Variants in SEC31A observed in about 807,000 individuals in gnomAD.
The protein encoded by SEC31A is SEC31 homolog A, COPII component.
Under a neutral mutation model 151.0 loss-of-function variants are expected in SEC31A, and 70 were observed. That is an observed-to-expected ratio of 0.46 (90% CI 0.38 to 0.57). The LOEUF is 0.57. SEC31A is among the 20% of genes least tolerant of loss of function. The probability of loss-of-function intolerance (pLI) is 0.00; values close to 1 mark genes in which losing one functional copy is unlikely to be tolerated. For synonymous variants in SEC31A, 475 were observed against 505.9 expected, an observed-to-expected ratio of 0.94 and a Z score of 0.82; for missense variants, 1,330 against 1,471.2, an observed-to-expected ratio of 0.90 and a Z score of 1.57.
intron 26 of SEC31A, among the ~76,000 whole-genome samples, chr4:82,819,561 G>C (rs1427054276): frequency 6.6e-6 from 1 of 152,114 alleles, no homozygotes; most frequent in African/African-American, 2.4e-5. Flanking sequence ...CCACTTAAGA[G>C]AGCTTCAGAC....
At chr4:82,892,265 T>C (rs1578430428), upstream of SEC31A, among the ~76,000 whole-genome samples, 1 of 152,250 alleles carries the variant, frequency 6.6e-6, no homozygotes, top group African/African-American at 2.4e-5. Context: ...GTCAAACTGA[T>C]TGGGATTTGT....
intron 23 of SEC31A, among the ~76,000 whole-genome samples, chr4:82,828,632 A>AAATTC (rs1725158587): frequency 7.0e-6 from 1 of 142,598 alleles, no homozygotes; most frequent in African/African-American, 2.6e-5. Context: ...TTTAATTGCC[A>AAATTC]AATTCATGAT....
At position 82,875,839 on chromosome 4, in the gene SEC31A, T is replaced by A. The variant is rs1737789969; in HGVS notation, c.403-17A>T. 2 of 1,382,284 alleles carry A rather than the reference T, an allele frequency of 1.4e-6. No individual in the cohort carries two copies. The highest frequency in any genetic ancestry group is 2.0e-6 in the Non-Finnish European group (2 of 980,902). 85.6% of individuals were successfully genotyped at this position (1,382,284 alleles called of 1,614,324 possible). ...CAGATTAGTCTGCAAGAAGAAACCA[T>A]AACTAAATAGCACTTATGAATAATT... On this transcript the variant is annotated splice_polypyrimidine_tract_variant and intron_variant, in intron 4 of 26. Transcript: ENST00000395310.
Position 82,831,030 on chromosome 4 carries a change from T to C in SEC31A, c.2969-1972A>G, listed in dbSNP as rs1008189901. The stretch of plus-strand genomic sequence containing the variant: ...AGTGTTTACTGAAGACATTCTAAAC[T>C]TTACTCATTTTATAATTGTTTCTTC... On this transcript the variant is annotated intron_variant, in intron 22 of 26. Coordinates refer to ENST00000395310, the MANE Select transcript of SEC31A (RefSeq NM_001077207.4). The C allele has an allele frequency of 4.5e-6, 3 of 661,144 alleles. No individual in the cohort carries two copies. In the African/African-American group the frequency reaches 5.7e-5, roughly 13 times the overall value. 41.0% of individuals were successfully genotyped at this position (661,144 alleles called of 1,614,324 possible).
At chr4:82,819,696 T>C (rs953568615) in intron 26 of SEC31A, among the ~76,000 whole-genome samples, 1 of 152,208 alleles carries the variant, frequency 6.6e-6, no homozygotes, top group African/African-American at 2.4e-5. Context: ...CTTAAAACTA[T>C]AAAACCTGTA....
chr4:82,898,515 T>G (rs1315370091), intron 3 of SEC31A, among the ~76,000 whole-genome samples: 1 of 152,230 alleles, frequency 6.6e-6, no homozygotes, highest in African/African-American at 2.4e-5. Flanking sequence ...AAAGGAATGT[T>G]GTCAGAATAA....
At chr4:82,845,776 T>A (rs1246770170) in intron 20 of SEC31A, among the ~76,000 whole-genome samples, 3 of 152,072 alleles carry the variant, frequency 2.0e-5, no homozygotes, top group Non-Finnish European at 4.4e-5. Flanking sequence ...AAAAGTCATA[T>A]CAGTCCAATA....
chr4:82,851,567 A>C lies in SEC31A; in HGVS notation c.2192T>G (p.Val731Gly). The C allele has an allele frequency of 6.2e-7, 1 of 1,612,192 alleles. No homozygotes were observed. Among genetic ancestry groups the C allele is most frequent in the African/African-American group, 1.3e-5 (1 of 75,016 alleles). The change falls in exon 19 of 27, where the codon GTG becomes GGG. Residue 731 changes from valine (V) to glycine (G), a missense_variant. Coordinates refer to ENST00000395310, the MANE Select transcript of SEC31A (RefSeq NM_001077207.4). ...IEKVVILRKAVQLTQAMDTST... is the reference protein window; with the variant it reads ...IEKVVILRKAGQLTQAMDTST... ...AGTGTCCATGGCTTGAGTGAGTTGC[A>C]CAGCTTTTCGCAGGATGACAACTTT...
intron 23 of SEC31A, among the ~76,000 whole-genome samples, chr4:82,828,673 CAAAAAAAAAA>C (rs397994259): frequency 1.6e-4 from 7 of 44,116 alleles, no homozygotes; most frequent in African/African-American, 6.5e-4. Flanking sequence ...CAAAGTAACT[CAAAAAAAAAA>C]AAAAAAAAAA....
At chr4:82,876,767 G>A (rs1187884366) in intron 4 of SEC31A, among the ~76,000 whole-genome samples, 2 of 152,162 alleles carry the variant, frequency 1.3e-5, no homozygotes, top group Non-Finnish European at 1.5e-5. Flanking sequence ...TTCATATACT[G>A]ACCTTCATCC....
Position 82,874,738 on chromosome 4 carries a change from A to G in SEC31A, c.512T>C (p.Ile171Thr), listed in dbSNP as rs1211904035. Residue 171 changes from isoleucine (I) to threonine (T), a missense_variant, in exon 6 of 27, where the codon ATC becomes ACC. Transcript: ENST00000395310. ...TTGTCTGTTCCATGCAATGCAGCTG[A>G]TATCTTCTGGCGGCTACAAGGAAGA... Reference protein sequence around the residue: ...PGAKTQPPEDISCIAWNRQVQ... With the variant: ...PGAKTQPPEDTSCIAWNRQVQ... 3.1e-6 allele frequency: 5 copies of G among 1,607,404 alleles called. No individual in the cohort carries two copies. Among genetic ancestry groups the G allele is most frequent in the Non-Finnish European group, 4.2e-6 (5 of 1,178,714 alleles).
chr4:82,891,118 C>A lies in SEC31A; in HGVS notation c.-35G>T, dbSNP rs749978896. On this transcript the variant is annotated 5_prime_UTR_variant, in exon 1 of 27. Coordinates refer to ENST00000395310, the MANE Select transcript of SEC31A (RefSeq NM_001077207.4). ...GAGGACCTTCGGCAGCCGGATCCTG[C>A]GTTAGTGCAGCGCTCGTCGGACTCT... is the stretch of plus-strand genomic sequence containing the variant. 1 of 1,535,978 alleles carries A rather than the reference C, an allele frequency of 6.5e-7. No individual in the cohort carries two copies. Among genetic ancestry groups the A allele is most frequent in the Non-Finnish European group, 8.7e-7 (1 of 1,146,772 alleles).
Position 82,842,417 on chromosome 4 carries a change from C to T in SEC31A, c.2691G>A (p.Gln897=), listed in dbSNP as rs774899857. ...TGGSAMYRPQ[Q]PVAPPTSNAY... is the part of the protein sequence containing the mutation. ...CGTTTGAAGTAGGAGGAGCAACAGG[C>T]TGCTGAGGTCGATACATTGCTGACC... Residue 897 remains glutamine (Q), a synonymous_variant, in exon 22 of 27, where the codon CAG becomes CAA. Transcript: ENST00000395310. The T allele has an allele frequency of 6.2e-7, 1 of 1,613,924 alleles. No homozygotes were observed. Among genetic ancestry groups the T allele is most frequent in the Admixed American group, 1.7e-5 (1 of 59,984 alleles).
intron 25 of SEC31A, among the ~76,000 whole-genome samples, chr4:82,821,788 C>G (rs1203460938): frequency 6.6e-6 from 1 of 151,842 alleles, no homozygotes; most frequent in African/African-American, 2.4e-5. Context: ...CAGTGTATCA[C>G]AAAAAAGAAG....
chr4:82,827,289 A>G, intron 24 of SEC31A, 80 bp downstream of exon 24: 2 of 1,426,400 alleles, frequency 1.4e-6, no homozygotes, highest in East Asian at 2.3e-5. Flanking sequence ...TAATCATGCA[A>G]TCATAAAAGT....
chr4:82,859,271 C>T (rs1733519579), intron 14 of SEC31A, among the ~76,000 whole-genome samples: 1 of 152,120 alleles, frequency 6.6e-6, no homozygotes, highest in Non-Finnish European at 1.5e-5. Flanking sequence ...TAAAAATATA[C>T]ACAGTTCTGT....
rs536100273 is a variant in SEC31A at position 82,843,284 on chromosome 4, C to T, written c.2627-803G>A. ...TAGCTGGGACTACAGGCTATAGGTG[C>T]CACCACACCCACCTAATTTTTACAT... On this transcript the variant is annotated intron_variant, in intron 21 of 26. Coordinates refer to ENST00000395310, the MANE Select transcript of SEC31A (RefSeq NM_001077207.4). Among the ~76,000 whole-genome samples the T allele has an allele frequency of 5.3e-5, 8 of 152,168 alleles. No homozygotes were observed. In the East Asian group the frequency reaches 1.2e-3, roughly 22 times the overall value.
intron 22 of SEC31A, among the ~76,000 whole-genome samples, chr4:82,841,540 C>A (rs1206177596): frequency 1.4e-5 from 2 of 145,356 alleles, no homozygotes; most frequent in African/African-American, 2.5e-5. Context: ...ACTCAGGAGG[C>A]TGAGGCAGGA....
intron 4 of SEC31A, 33 bp from the exon 5 acceptor site, chr4:82,875,855 A>G (rs769744531): frequency 3.4e-6 from 4 of 1,178,676 alleles, no homozygotes; most frequent in Non-Finnish European, 4.9e-6. Flanking sequence ...AATAGCACTT[A>G]TGAATAATTA....
Sources: allele counts gnomAD v4.1 joint callset (sites outside exome capture counted in the v4.1 genomes callset), GRCh38; gene constraint gnomAD v4.1.1; transcripts MANE v1.5; gene names NCBI Gene and HGNC (gene_info 2026-07-23, HGNC 2026-07-21).